Variants in SRPK2 observed in about 807,000 individuals in gnomAD.
SRPK2 encodes the protein SFRS protein kinase 2.
A neutral mutation model predicts 90.8 loss-of-function variants in SRPK2; 21 were observed. That is an observed-to-expected ratio of 0.23 (90% confidence interval 0.16 to 0.33). SRPK2 has a LOEUF of 0.33. Ranked by LOEUF, SRPK2 falls within the 10% of genes least tolerant of loss-of-function variation. The pLI is 1.00. For synonymous variants in SRPK2, 288 were observed against 311.1 expected, an observed-to-expected ratio of 0.93 and a Z score of 0.78; for missense variants, 620 against 869.0, an observed-to-expected ratio of 0.71 and a Z score of 3.60.
intron 2 of SRPK2, among the ~76,000 whole-genome samples, chr7:105,363,389 A>C (rs1317424062): frequency 6.6e-6 from 1 of 152,190 alleles, no homozygotes; most frequent in Non-Finnish European, 1.5e-5. Context: ...ACACTTCTCA[A>C]AAGAAGACAT....
intron 1 of SRPK2, among the ~76,000 whole-genome samples, chr7:105,397,127 C>T (rs930609585): frequency 3.9e-5 from 6 of 151,958 alleles, no homozygotes; most frequent in African/African-American, 1.2e-4. Flanking sequence ...AAGCAATTCT[C>T]CTGCCTCAGC....
At chr7:105,385,483 C>G (rs1321190483) in intron 2 of SRPK2, among the ~76,000 whole-genome samples, 1 of 152,134 alleles carries the variant, frequency 6.6e-6, no homozygotes, top group African/African-American at 2.4e-5. Context: ...GACAGCAGCC[C>G]TCTTTTTAAA....
At chr7:105,240,692 C>G (rs1253788797) in intron 2 of SRPK2, among the ~76,000 whole-genome samples, 1 of 152,064 alleles carries the variant, frequency 6.6e-6, no homozygotes, top group Non-Finnish European at 1.5e-5. Context: ...CCTCACTTGA[C>G]TCTAAAAATG....
At chr7:105,254,725 C>G (rs926492061) in intron 2 of SRPK2, among the ~76,000 whole-genome samples, 12 of 151,822 alleles carry the variant, frequency 7.9e-5, no homozygotes, top group Non-Finnish European at 1.3e-4. Context: ...AGTCTCGCCC[C>G]GTCACCCAGG....
chr7:105,301,784 A>G, intron 2 of SRPK2: 1 of 1,580,570 alleles, frequency 6.3e-7, no homozygotes. Flanking sequence ...AGGAAGCAGT[A>G]GAAGCTAATC....
intron 2 of SRPK2, among the ~76,000 whole-genome samples, chr7:105,285,570 C>A (rs1807983740): frequency 6.6e-6 from 1 of 152,026 alleles, no homozygotes; most frequent in South Asian, 2.1e-4. Flanking sequence ...GGAGGTGGGG[C>A]CTGCTGGGAG....
At chr7:105,380,830 A>T (rs1820860132) in intron 2 of SRPK2, among the ~76,000 whole-genome samples, 1 of 151,816 alleles carries the variant, frequency 6.6e-6, no homozygotes, top group Admixed American at 6.6e-5. Context: ...CTGCTAAAAA[A>T]TTTTTAAATT....
chr7:105,331,032 T>C (rs1457777140), intron 2 of SRPK2, among the ~76,000 whole-genome samples: 2 of 151,618 alleles, frequency 1.3e-5, no homozygotes, highest in African/African-American at 4.8e-5. Context: ...CCGGGCACGA[T>C]GGCTCACGCC....
chr7:105,372,309 T>C (rs1234346561), intron 2 of SRPK2, among the ~76,000 whole-genome samples: 1 of 152,162 alleles, frequency 6.6e-6, no homozygotes, highest in Non-Finnish European at 1.5e-5. Flanking sequence ...AAATTTTATT[T>C]GTGAATTGAA....
At chr7:105,327,318 A>G (rs557859841) in intron 2 of SRPK2, among the ~76,000 whole-genome samples, 1 of 152,352 alleles carries the variant, frequency 6.6e-6, no homozygotes, top group Non-Finnish European at 1.5e-5. Flanking sequence ...TTGGAACACA[A>G]TCATGCTCAT....
At chr7:105,372,423 T>C (rs952659957) in intron 2 of SRPK2, among the ~76,000 whole-genome samples, 3 of 152,196 alleles carry the variant, frequency 2.0e-5, no homozygotes, top group Non-Finnish European at 4.4e-5. Flanking sequence ...TAAAATTTAA[T>C]CTTCTCACTG....
chr7:105,308,468 G>T (rs1051412836), intron 2 of SRPK2, among the ~76,000 whole-genome samples: 3 of 152,074 alleles, frequency 2.0e-5, no homozygotes, highest in African/African-American at 7.2e-5. Flanking sequence ...AGAGGGAGGG[G>T]ATTTCCTTAA....
chr7:105,315,741 C>T (rs1260795906), intron 2 of SRPK2, among the ~76,000 whole-genome samples: 3 of 152,142 alleles, frequency 2.0e-5, no homozygotes, highest in Non-Finnish European at 4.4e-5. Flanking sequence ...TGTTCTCATT[C>T]CTTTGGCAAG....
chr7:105,134,109 T>C (rs977806487), intron 11 of SRPK2, among the ~76,000 whole-genome samples: 1 of 152,116 alleles, frequency 6.6e-6, no homozygotes, highest in African/African-American at 2.4e-5. Flanking sequence ...AATTTTGAAA[T>C]GGTATTTAAA....
intron 2 of SRPK2, among the ~76,000 whole-genome samples, chr7:105,361,225 T>C (rs1818385440): frequency 6.6e-6 from 1 of 152,074 alleles, no homozygotes; most frequent in South Asian, 2.1e-4. Flanking sequence ...CCATTCACAA[T>C]TGCTACAAAG....
At chr7:105,345,363 C>T (rs1176833629) in intron 2 of SRPK2, among the ~76,000 whole-genome samples, 1 of 152,188 alleles carries the variant, frequency 6.6e-6, no homozygotes, top group East Asian at 1.9e-4. Flanking sequence ...TCTCAATTCT[C>T]AGTCTCAACT....
chr7:105,177,490 T>C (rs901320456), intron 3 of SRPK2, among the ~76,000 whole-genome samples: 6 of 152,074 alleles, frequency 3.9e-5, no homozygotes, highest in African/African-American at 1.4e-4. Context: ...AACAAATAGG[T>C]AAATGTCATT....
intron 2 of SRPK2, among the ~76,000 whole-genome samples, chr7:105,318,912 T>C (rs542225749): frequency 2.6e-5 from 4 of 152,308 alleles, no homozygotes; most frequent in African/African-American, 9.6e-5. Flanking sequence ...TTCCAAAGAA[T>C]AGAGAGTCAC....
At chr7:105,272,357 G>C (rs1048849773) in intron 2 of SRPK2, among the ~76,000 whole-genome samples, 1 of 152,096 alleles carries the variant, frequency 6.6e-6, no homozygotes, top group Non-Finnish European at 1.5e-5. Flanking sequence ...CCCACCTCAA[G>C]ACCACACTTG....
Sources: allele counts gnomAD v4.1 joint callset (sites outside exome capture counted in the v4.1 genomes callset), GRCh38; gene constraint gnomAD v4.1.1; transcripts MANE v1.5; gene names NCBI Gene and HGNC (gene_info 2026-07-23, HGNC 2026-07-21).